The following DOCK3 variants were observed in gnomAD, a reference collection of about 807,000 sequenced individuals.
DOCK3 encodes the protein dedicator of cytokinesis protein 3.
DOCK3 carries 60 observed loss-of-function variants against 265.6 expected under a neutral mutation model. That is an observed-to-expected ratio of 0.23 (90% CI 0.18 to 0.28). The LOEUF is 0.28. Ranked by LOEUF, DOCK3 falls within the 10% of genes least tolerant of loss-of-function variation. DOCK3 has a pLI of 1.00. For synonymous variants in DOCK3, 881 were observed against 938.0 expected (o/e 0.94, Z 1.11); for missense variants, 1,981 against 2,594.3 (o/e 0.76, Z 5.14).
intron 5 of DOCK3, among the ~76,000 whole-genome samples, chr3:51,029,506 T>G (rs1007132808): frequency 6.6e-6 from 1 of 152,202 alleles, no homozygotes; most frequent in Non-Finnish European, 1.5e-5. Context: ...TCTGCAACAG[T>G]GCACTGGGGA....
intron 5 of DOCK3, among the ~76,000 whole-genome samples, chr3:50,989,293 C>T (rs946017396): frequency 1.3e-4 from 20 of 152,186 alleles, no homozygotes; most frequent in African/African-American, 4.3e-4. Flanking sequence ...CTGCTGCCTC[C>T]AAGTTGGAGG....
At chr3:51,113,580 G>T (rs537618378) in intron 9 of DOCK3, among the ~76,000 whole-genome samples, 113 of 152,226 alleles carry the variant, frequency 7.4e-4, no homozygotes, top group African/African-American at 2.5e-3. Flanking sequence ...CTATAAATCA[G>T]ACAGACTTCC....
At chr3:50,811,550 A>G (rs2043757967) in intron 2 of DOCK3, among the ~76,000 whole-genome samples, 1 of 152,248 alleles carries the variant, frequency 6.6e-6, no homozygotes. Flanking sequence ...AATGTCTCAC[A>G]TATTCAGATA....
At chr3:51,068,439 G>T (rs985466820) in intron 6 of DOCK3, among the ~76,000 whole-genome samples, 1 of 149,434 alleles carries the variant, frequency 6.7e-6, no homozygotes, top group Non-Finnish European at 1.5e-5. Context: ...ACTCGGGAGG[G>T]TGAGGCAGGA....
At chr3:50,966,188 A>G (rs1227218775) in intron 5 of DOCK3, among the ~76,000 whole-genome samples, 2 of 152,090 alleles carry the variant, frequency 1.3e-5, no homozygotes, top group African/African-American at 4.8e-5. Flanking sequence ...ATGTTATTGT[A>G]TATATTCCAC....
At chr3:51,066,572 G>A (rs770607403) in intron 6 of DOCK3, among the ~76,000 whole-genome samples, 2 of 152,154 alleles carry the variant, frequency 1.3e-5, no homozygotes, top group Non-Finnish European at 2.9e-5. Context: ...CTAATTAAGT[G>A]AGAGGGGACA....
chr3:51,054,626 A>C (rs2081131872), intron 5 of DOCK3, among the ~76,000 whole-genome samples: 1 of 152,148 alleles, frequency 6.6e-6, no homozygotes, highest in African/African-American at 2.4e-5. Context: ...ATGATGCACT[A>C]ATTTTCTTAC....
At chr3:50,796,637 C>A (rs909712026) in intron 2 of DOCK3, among the ~76,000 whole-genome samples, 7 of 152,198 alleles carry the variant, frequency 4.6e-5, no homozygotes, top group Non-Finnish European at 1.0e-4. Context: ...CGCGTCCAGC[C>A]AGTGTGGTTG....
chr3:51,048,061 T>G (rs1309269849), intron 5 of DOCK3, among the ~76,000 whole-genome samples: 1 of 152,060 alleles, frequency 6.6e-6, no homozygotes, highest in Non-Finnish European at 1.5e-5. Flanking sequence ...GATGCAAATA[T>G]GGCTCAACAT....
At chr3:51,279,910 GA>G (rs1323201154) in intron 26 of DOCK3, among the ~76,000 whole-genome samples, 195 bp from the exon 27 acceptor site, 1 of 152,200 alleles carries the variant, frequency 6.6e-6, no homozygotes, top group Non-Finnish European at 1.5e-5. Context: ...CCATGCTGCA[GA>G]GGGTTTATTT....
Position 51,143,272 on chromosome 3 carries a change from AT to A in DOCK3, c.747-3276del, listed in dbSNP as rs2085149010. ...TTTTTGTTTTCTGTTTTTTTTTTTT[AT>A]GTGTGTGTGTGTGTGTGATGGAGTT... On this transcript the variant is annotated intron_variant, in intron 9 of 52. Coordinates refer to ENST00000266037, the MANE Select transcript of DOCK3 (RefSeq NM_004947.5). Among the ~76,000 whole-genome samples the A allele has an allele frequency of 5.5e-4, 80 of 146,132 alleles. 1 individual carries two copies. The South Asian group carries it at 0.017, about 31-fold the overall frequency.
intron 4 of DOCK3, among the ~76,000 whole-genome samples, chr3:50,907,906 T>G (rs972911126): frequency 6.6e-6 from 1 of 152,056 alleles, no homozygotes; most frequent in Non-Finnish European, 1.5e-5. Context: ...GAGCTTGTTG[T>G]TGGTCTATTC....
chr3:51,053,635 A>G (rs949805436), intron 5 of DOCK3, among the ~76,000 whole-genome samples: 1 of 151,788 alleles, frequency 6.6e-6, no homozygotes, highest in East Asian at 1.9e-4. Flanking sequence ...GTCAGCAAGG[A>G]TGGTCTCTAT....
chr3:50,799,691 C>A (rs1291350167), intron 2 of DOCK3, among the ~76,000 whole-genome samples: 2 of 152,046 alleles, frequency 1.3e-5, no homozygotes, highest in Admixed American at 1.3e-4. Context: ...AGTTTTGATG[C>A]CTCTTATTTA....
intron 1 of DOCK3, among the ~76,000 whole-genome samples, chr3:50,704,416 C>G (rs2036253805): frequency 6.6e-6 from 1 of 151,384 alleles, no homozygotes; most frequent in Admixed American, 6.6e-5. Flanking sequence ...CTTTTTAGTT[C>G]TATTATTTGC....
At chr3:51,183,681 A>G (rs1242734744) in intron 12 of DOCK3, among the ~76,000 whole-genome samples, 1 of 152,204 alleles carries the variant, frequency 6.6e-6, no homozygotes, top group Non-Finnish European at 1.5e-5. Context: ...AGAAGTAAAA[A>G]TAAAGTTTCA....
chr3:51,013,229 C>T (rs1253539255), intron 5 of DOCK3, among the ~76,000 whole-genome samples: 1 of 152,152 alleles, frequency 6.6e-6, no homozygotes, highest in African/African-American at 2.4e-5. Context: ...AGATGCAGTG[C>T]TCTGGTTTTT....
At chr3:51,240,447 G>T (rs761325508) in intron 21 of DOCK3, among the ~76,000 whole-genome samples, 1 of 152,174 alleles carries the variant, frequency 6.6e-6, no homozygotes, top group Non-Finnish European at 1.5e-5. Flanking sequence ...TGTCTATCAG[G>T]TCCATTTGAT....
intron 49 of DOCK3, among the ~76,000 whole-genome samples, chr3:51,370,652 A>G (rs763158194): frequency 6.6e-6 from 1 of 152,256 alleles, no homozygotes; most frequent in Non-Finnish European, 1.5e-5. Context: ...TCAGTGCTGA[A>G]TAGAGAGAAA....
Sources: gnomAD v4.1 joint callset for allele counts (sites outside exome capture counted in the v4.1 genomes callset) on GRCh38, gnomAD v4.1.1 for gene constraint, MANE v1.5 for transcripts, NCBI Gene and HGNC (gene_info 2026-07-23, HGNC 2026-07-21) for gene names.